Variants in IDH2 observed in about 807,000 individuals in gnomAD.
The protein encoded by IDH2 is isocitrate dehydrogenase [NADP], mitochondrial.
Under a neutral mutation model 50.5 loss-of-function variants are expected in IDH2, and 18 were observed. The ratio of observed to expected loss-of-function variants is 0.36; its 90% confidence interval spans 0.25 to 0.53. IDH2 has a LOEUF of 0.53. IDH2 is among the 20% of genes least tolerant of loss of function. The probability of loss-of-function intolerance (pLI) is 0.92; values close to 1 mark genes in which losing one functional copy is unlikely to be tolerated. For synonymous variants in IDH2, 280 were observed against 239.8 expected (o/e 1.17, Z -1.55); for missense variants, 518 against 610.7 (o/e 0.85, Z 1.60).
Position 90,100,761 on chromosome 15 carries a change from C to G in IDH2, c.115+1515G>C. Reference sequence around the variant, plus strand: ...TTGCCAGGTAACAAGCTGGCAGAGTCGCAACTGTAGAGTCTGATGTCCAAC... The same window carrying G: ...TTGCCAGGTAACAAGCTGGCAGAGTGGCAACTGTAGAGTCTGATGTCCAAC... On this transcript the variant is annotated intron_variant, in intron 1 of 10. Transcript: ENST00000330062. The surrounding 1 kb of genome is among the most constrained non-coding windows in gnomAD (Gnocchi z 4.1). 1.9e-6 allele frequency: 1 copy of G among 526,192 alleles called. No homozygotes were observed. Among genetic ancestry groups the G allele is most frequent in the Non-Finnish European group, 2.4e-6 (1 of 410,306 alleles). 32.6% of individuals were successfully genotyped at this position (526,192 alleles called of 1,614,324 possible). A position where few individuals can be genotyped will look rare whatever the true frequency, so the allele number is the denominator to read the frequency against.
rs57901991 is a variant in IDH2 at position 90,088,906 on chromosome 15, ATTTTTTT to A, written c.374-166_374-160del. Among the ~76,000 whole-genome samples the A allele has an allele frequency of 1.2e-4, 12 of 96,512 alleles. No individual in the cohort carries two copies. The South Asian group carries it at 1.6e-3, about 13-fold the overall frequency. 63.3% of individuals were successfully genotyped at this position (96,512 alleles called of 152,430 possible). ...AATGTGTGGGCTCTGGAGTCTGCCA[ATTTTTTT>A]TTTTTTTTTTTTTTTTTTGAGACAG... On this transcript the variant is annotated intron_variant, in intron 3 of 10. Transcript: ENST00000330062.
chr15:90,095,438 ATGAGT>A (rs980479284), intron 1 of IDH2, among the ~76,000 whole-genome samples: 2 of 151,366 alleles, frequency 1.3e-5, no homozygotes, highest in Non-Finnish European at 2.9e-5. Context: ...AGCATCTCCT[ATGAGT>A]TAATTTGAGG....
Position 90,102,281 on chromosome 15 carries a change from C to A in IDH2, c.110G>T (p.Arg37Leu). The change falls in exon 1 of 11, where the codon CGC (arginine) becomes CTC (leucine). Residue 37 changes from arginine (R) to leucine (L), a missense_variant. By Grantham distance (102) the Arg-to-Leu change is moderately radical. Around this residue, in one of 5 missense-constraint regions of IDH2, gnomAD observed 85 missense variants for 66.9 expected, o/e 1.27. Coordinates refer to ENST00000330062, the MANE Select transcript of IDH2 (RefSeq NM_002168.4). ...ACCCTCCGCGCGGCACTCACAGTGG[C>A]GCCGCGGCTGCTCTTGCGAGGTGGG... is the stretch of plus-strand genomic sequence containing the variant. Reference protein sequence around the residue: ...TAPTSQEQPRRHYADKRIKVA... With the variant: ...TAPTSQEQPRLHYADKRIKVA... 2 of 1,286,992 alleles carry A rather than the reference C, an allele frequency of 1.6e-6. No homozygotes were observed. Among genetic ancestry groups the A allele is most frequent in the South Asian group, 2.1e-5 (1 of 48,380 alleles). 79.7% of individuals were successfully genotyped at this position (1,286,992 alleles called of 1,614,324 possible). A position where few individuals can be genotyped will look rare whatever the true frequency, so the allele number is the denominator to read the frequency against.
At position 90,083,843 on chromosome 15, in the gene IDH2, C is replaced by G. The variant is rs1900784387; in HGVS notation, c.*423G>C. 3.4e-6 allele frequency: 1 copy of G among 296,858 alleles called. No individual in the cohort carries two copies. The highest frequency in any genetic ancestry group is 4.7e-5 in the Admixed American group (1 of 21,082). The allele number at this position is 296,858 out of a possible 1,614,324, so 18.4% of individuals were successfully genotyped here. On this transcript the variant is annotated 3_prime_UTR_variant, in exon 11 of 11. Coordinates refer to ENST00000330062, the MANE Select transcript of IDH2 (RefSeq NM_002168.4). ...TGTGGAATGCGGGCTCCCAGGGCTGCCTGGTCCCTTCCCTGCCGTGGCAGC... is the reference window on the plus strand; with the variant it reads ...TGTGGAATGCGGGCTCCCAGGGCTGGCTGGTCCCTTCCCTGCCGTGGCAGC...
Position 90,084,744 on chromosome 15 carries a change from G to A in IDH2, c.1271+72C>T, listed in dbSNP as rs935130802. ...TTGCAGCTAAGCTGACTCATGAGGG[G>A]GACTTTAGGAGGGGTCCCCTGGCTT... is the stretch of plus-strand genomic sequence containing the variant. On this transcript the variant is annotated intron_variant, in intron 10 of 10. Transcript: ENST00000330062. The surrounding 1 kb of genome is among the most constrained non-coding windows in gnomAD (Gnocchi z 5.0). 4.1e-6 allele frequency: 5 copies of A among 1,227,422 alleles called. No individual in the cohort carries two copies. Among genetic ancestry groups the A allele is most frequent in the Non-Finnish European group, 6.0e-6 (5 of 835,986 alleles). 76.0% of individuals were successfully genotyped at this position (1,227,422 alleles called of 1,614,324 possible).
At chr15:90,091,832 G>T (rs1307509197) in intron 1 of IDH2, among the ~76,000 whole-genome samples, 188 bp from the exon 2 acceptor site, 2 of 152,202 alleles carry the variant, frequency 1.3e-5, no homozygotes, top group African/African-American at 4.8e-5. Flanking sequence ...CAACTCCCAG[G>T]CCATGGACTA....
intron 1 of IDH2, among the ~76,000 whole-genome samples, chr15:90,092,040 T>C (rs1425319489): frequency 1.3e-5 from 2 of 152,150 alleles, no homozygotes; most frequent in Non-Finnish European, 2.9e-5. Flanking sequence ...TAATGCCTGA[T>C]GATCTGTCAC....
intron 7 of IDH2, among the ~76,000 whole-genome samples, chr15:90,086,687 C>A (rs1260462277): frequency 6.6e-6 from 1 of 152,158 alleles, no homozygotes; most frequent in Non-Finnish European, 1.5e-5. Context: ...TTTTAGGACA[C>A]CCTAGGGCTT....
chr15:90,102,415 G>A lies in IDH2; in HGVS notation c.-25C>T, dbSNP rs1371229085. On this transcript the variant is annotated 5_prime_UTR_variant, in exon 1 of 11. Transcript: ENST00000330062. ...TCCCAAGCTGGAGAGCGAACGAGCA[G>A]GGCGGGAGAGGTCCGAGCGCGCGCC... The A allele has an allele frequency of 2.4e-6, 3 of 1,237,890 alleles. No individual in the cohort carries two copies. The highest frequency in any genetic ancestry group is 1.6e-5 in the African/African-American group (1 of 64,112). The allele number at this position is 1,237,890 out of a possible 1,614,324, so 76.7% of individuals were successfully genotyped here. A position where few individuals can be genotyped will look rare whatever the true frequency, so the allele number is the denominator to read the frequency against.
rs1032151163 is a variant in IDH2 at position 90,100,137 on chromosome 15, C to T, written c.115+2139G>A. Among the ~76,000 whole-genome samples the T allele has an allele frequency of 6.6e-6, 1 of 152,110 alleles. No homozygotes were observed. Among genetic ancestry groups the T allele is most frequent in the African/African-American group, 2.4e-5 (1 of 41,402 alleles). ...GGTGGCATCTCTCTCCAGCAATAGG[C>T]CCCATGCCCTGAAGAAGCTTACAAC... On this transcript the variant is annotated intron_variant, in intron 1 of 10. Coordinates refer to ENST00000330062, the MANE Select transcript of IDH2 (RefSeq NM_002168.4). This position sits in a 1 kb window ranked among gnomAD's most constrained non-coding sequence, Gnocchi z 4.1.
At chr15:90,091,995 C>T (rs917689178) in intron 1 of IDH2, among the ~76,000 whole-genome samples, 2 of 152,170 alleles carry the variant, frequency 1.3e-5, no homozygotes, top group Admixed American at 6.5e-5. Context: ...ACTGCGCACA[C>T]GAGGGATCTA....
intron 3 of IDH2, among the ~76,000 whole-genome samples, chr15:90,090,256 C>A (rs1900997261): frequency 6.6e-6 from 1 of 152,222 alleles, no homozygotes; most frequent in Admixed American, 6.5e-5. Flanking sequence ...ACGCCTGCCC[C>A]AGCCTCATCA....
chr15:90,083,698 A>G lies in IDH2; in HGVS notation c.*568T>C, dbSNP rs1480913603. 1.1e-5 allele frequency: 2 copies of G among 177,958 alleles called. No homozygotes were observed. Among genetic ancestry groups the G allele is most frequent in the African/African-American group, 2.4e-5 (1 of 42,026 alleles). 11.0% of individuals were successfully genotyped at this position (177,958 alleles called of 1,614,324 possible). A position where few individuals can be genotyped will look rare whatever the true frequency, so the allele number is the denominator to read the frequency against. On this transcript the variant is annotated 3_prime_UTR_variant, in exon 11 of 11. Coordinates refer to ENST00000330062, the MANE Select transcript of IDH2 (RefSeq NM_002168.4). ...CGAAGAAAAAAATCAATGACAACCTATCAGGAACTGATTGACTCTCAGAAT... is the reference window on the plus strand; with the variant it reads ...CGAAGAAAAAAATCAATGACAACCTGTCAGGAACTGATTGACTCTCAGAAT...
chr15:90,087,495 G>A lies in IDH2; in HGVS notation c.759C>T (p.Thr253=). Residue 253 remains threonine, a synonymous_variant, in exon 6 of 11, where the codon ACC becomes ACT. Coordinates refer to ENST00000330062, the MANE Select transcript of IDH2 (RefSeq NM_002168.4). ...AACGCCCATCGTAGGCTTTCAGTAT[G>A]GTGTTCTTGGTGCTCATGTACAGCG... ...KWPLYMSTKN[T]ILKAYDGRFK... The A allele has an allele frequency of 6.2e-7, 1 of 1,614,188 alleles. No individual in the cohort carries two copies. The highest frequency in any genetic ancestry group is 1.3e-5 in the African/African-American group (1 of 75,052).
At chr15:90,094,140 G>A (rs1270177311) in intron 1 of IDH2, among the ~76,000 whole-genome samples, 1 of 152,192 alleles carries the variant, frequency 6.6e-6, no homozygotes, top group African/African-American at 2.4e-5. Context: ...TCAATGAGGG[G>A]CTGATCAGAG....
rs942753730 is a variant in IDH2 at position 90,084,051 on chromosome 15, AAC to A, written c.*213_*214del. 12 of 596,056 alleles carry A rather than the reference AAC, an allele frequency of 2.0e-5. No homozygotes were observed. 36.9% of individuals were successfully genotyped at this position (596,056 alleles called of 1,614,324 possible). A position where few individuals can be genotyped will look rare whatever the true frequency, so the allele number is the denominator to read the frequency against. On this transcript the variant is annotated 3_prime_UTR_variant, in exon 11 of 11. Transcript: ENST00000330062. The surrounding 1 kb of genome is among the most constrained non-coding windows in gnomAD (Gnocchi z 5.0). Reference sequence around the variant, plus strand: ...GGGCAATATAAATTACAGTATGCAAAACATACTGACTGGCTGAGGTAAAACGC... The same window carrying A: ...GGGCAATATAAATTACAGTATGCAAAATACTGACTGGCTGAGGTAAAACGC...
Position 90,085,134 on chromosome 15 carries a change from G to T in IDH2, c.1081-36C>A. 1 of 1,598,920 alleles carries T rather than the reference G, an allele frequency of 6.3e-7. No individual in the cohort carries two copies. The highest frequency in any genetic ancestry group is 1.1e-5 in the South Asian group (1 of 90,806). ...GGGTTGCAGGGAGATCAAGAGCCGA[G>T]CCAGCTAGTGAGGAGGCTGCCCAGA... is the stretch of plus-strand genomic sequence containing the variant. On this transcript the variant is annotated intron_variant, in intron 8 of 10. Transcript: ENST00000330062. This position sits in a 1 kb window ranked among gnomAD's most constrained non-coding sequence, Gnocchi z 5.5.
chr15:90,102,350 G>A lies in IDH2; in HGVS notation c.41C>T (p.Ala14Val). 7.3e-7 allele frequency: 1 copy of A among 1,368,138 alleles called. No homozygotes were observed. The highest frequency in any genetic ancestry group is 9.5e-7 in the Non-Finnish European group (1 of 1,050,146). The allele number at this position is 1,368,138 out of a possible 1,614,324, so 84.7% of individuals were successfully genotyped here. A position where few individuals can be genotyped will look rare whatever the true frequency, so the allele number is the denominator to read the frequency against. The change falls in exon 1 of 11, where the codon GCC becomes GTC. Residue 14 changes from alanine to valine, a missense_variant. Around this residue, in one of 5 missense-constraint regions of IDH2, gnomAD observed 85 missense variants for 66.9 expected, o/e 1.27. Coordinates refer to ENST00000330062, the MANE Select transcript of IDH2 (RefSeq NM_002168.4). ...CGCCCAGGCCGGCCGCGAGCCTGAG[G>A]CTCTGCAGAGCGAGCGCACGACCCG... ...YLRVVRSLCRASGSRPAWAPA... is the reference protein window; with the variant it reads ...YLRVVRSLCRVSGSRPAWAPA...
intron 1 of IDH2, among the ~76,000 whole-genome samples, chr15:90,094,479 C>T (rs1416773773): frequency 1.3e-5 from 2 of 152,268 alleles, no homozygotes; most frequent in Non-Finnish European, 2.9e-5. Flanking sequence ...CAAAGCAGCA[C>T]TCCTCAGCCT....
Sources: allele counts gnomAD v4.1 joint callset (sites outside exome capture counted in the v4.1 genomes callset), GRCh38; gene constraint gnomAD v4.1.1; regional missense constraint gnomAD v4.1.1; non-coding constraint Gnocchi (gnomAD v3.1); transcripts MANE v1.5; gene names NCBI Gene and HGNC (gene_info 2026-07-23, HGNC 2026-07-21).